The following NHS variants were observed in gnomAD, a reference collection of about 807,000 sequenced individuals.
The protein encoded by NHS is NHS actin remodeling regulator.
Under a neutral mutation model 72.5 loss-of-function variants are expected in NHS, and 5 were observed. The observed-to-expected ratio is 0.07, with a 90% CI of 0.04 to 0.14. NHS has a LOEUF of 0.14. Among genes scored for constraint, NHS ranks in the 10% least tolerant of loss-of-function variants. The pLI, the probability that NHS is intolerant of heterozygous loss-of-function variation, is 1.00. For synonymous variants in NHS, 464 were observed against 547.7 expected (o/e 0.85, Z 2.13); for missense variants, 1,072 against 1,355.7 (o/e 0.79, Z 3.29).
intron 1 of NHS, among the ~76,000 whole-genome samples, chrX:17,453,429 G>A (rs983859564): frequency 1.8e-5 from 2 of 111,435 alleles, no homozygotes; most frequent in African/African-American, 6.5e-5. Flanking sequence ...CTGTAACTTG[G>A]TCACTAGCAG....
intron 1 of NHS, among the ~76,000 whole-genome samples, chrX:17,595,226 G>A (rs1460394716): frequency 1.8e-5 from 2 of 111,747 alleles, no homozygotes; most frequent in East Asian, 5.7e-4. Flanking sequence ...CTCATTCTTT[G>A]ATCCTGAAGA....
At chrX:17,625,308 A>G (rs2065793165) in intron 1 of NHS, among the ~76,000 whole-genome samples, 1 of 111,357 alleles carries the variant, frequency 9.0e-6, no homozygotes, top group Non-Finnish European at 1.9e-5. Flanking sequence ...GAAAATGGCA[A>G]GTAGTGTATT....
intron 1 of NHS, among the ~76,000 whole-genome samples, chrX:17,458,306 C>A (rs769403572): frequency 8.2e-4 from 92 of 111,947 alleles, no homozygotes; most frequent in African/African-American, 2.9e-3. Context: ...CGGCTCACTG[C>A]AGCCTCCGCC....
At position 17,701,802 on chromosome X, in the gene NHS, A is replaced by G. The variant is rs193049970; in HGVS notation, c.852+9334A>G. Among the ~76,000 whole-genome samples, 25 of 111,037 alleles carry G rather than the reference A, an allele frequency of 2.3e-4. No homozygotes were observed. In the Admixed American group the frequency reaches 2.4e-3, roughly 11 times the overall value. ...GTGCAGTTGCTGTGTTCATCTAGAGAGTCTCAGGTTATGCTCAAATGTGAA... is the reference window on the plus strand; with the variant it reads ...GTGCAGTTGCTGTGTTCATCTAGAGGGTCTCAGGTTATGCTCAAATGTGAA... On this transcript the variant is annotated intron_variant, in intron 3 of 8. Transcript: ENST00000676302.
chrX:17,687,293 G>A (rs965535790), intron 1 of NHS: 1 of 188,218 alleles, frequency 5.3e-6, no homozygotes, highest in South Asian at 9.6e-5. Flanking sequence ...CAGCAGGGGC[G>A]GCGTGCAGAA....
At chrX:17,492,051 C>A (rs1406018793) in intron 1 of NHS, among the ~76,000 whole-genome samples, 1 of 110,460 alleles carries the variant, frequency 9.1e-6, no homozygotes, top group Non-Finnish European at 1.9e-5. Flanking sequence ...GGCTTACAGT[C>A]TATCTATTTT....
At chrX:17,571,824 A>T (rs191693928) in intron 1 of NHS, among the ~76,000 whole-genome samples, 2 of 112,116 alleles carry the variant, frequency 1.8e-5, no homozygotes, top group African/African-American at 6.5e-5. Flanking sequence ...ATTTTCCTCT[A>T]CACACTGCTT....
At chrX:17,497,026 T>C (rs946153409) in intron 1 of NHS, among the ~76,000 whole-genome samples, 2 of 111,947 alleles carry the variant, frequency 1.8e-5, no homozygotes, top group Non-Finnish European at 3.8e-5. Flanking sequence ...AAGAAACTCA[T>C]GGTTATTTGG....
At chrX:17,427,279 G>A (rs1172961722) in intron 1 of NHS, among the ~76,000 whole-genome samples, 2 of 111,738 alleles carry the variant, frequency 1.8e-5, no homozygotes. Flanking sequence ...TGGAAAAGGT[G>A]TACTGATAGG....
intron 1 of NHS, among the ~76,000 whole-genome samples, chrX:17,582,597 G>T (rs996786636): frequency 9.0e-6 from 1 of 111,327 alleles, no homozygotes; most frequent in African/African-American, 3.3e-5. Flanking sequence ...AGGACAGTGC[G>T]CTCCCTGGGC....
chrX:17,492,408 G>C (rs192422206), intron 1 of NHS, among the ~76,000 whole-genome samples: 6 of 112,091 alleles, frequency 5.4e-5, no homozygotes, highest in African/African-American at 1.9e-4. Flanking sequence ...AGTCATTCAG[G>C]AGCAGGTTGT....
intron 1 of NHS, among the ~76,000 whole-genome samples, chrX:17,594,868 T>A (rs2065618398): frequency 8.9e-6 from 1 of 112,464 alleles, no homozygotes; most frequent in African/African-American, 3.2e-5. Flanking sequence ...TGATCCCACC[T>A]TGAAGTAGGG....
chrX:17,571,055 T>C (rs193262212), intron 1 of NHS, among the ~76,000 whole-genome samples: 9 of 112,206 alleles, frequency 8.0e-5, no homozygotes, highest in Non-Finnish European at 1.1e-4. Context: ...TTTGATGCGC[T>C]GCTGGATTTG....
intron 3 of NHS, among the ~76,000 whole-genome samples, chrX:17,717,553 C>G (rs2066371833): frequency 8.9e-6 from 1 of 112,563 alleles, no homozygotes; most frequent in African/African-American, 3.2e-5. Flanking sequence ...GTTTCAGTGG[C>G]CTTCTCAGTA....
At position 17,687,885 on chromosome X, in the gene NHS, C is replaced by T. The variant is rs1297230069; in HGVS notation, c.709C>T (p.Leu237=). ...CCACGCCCGGCAGAGCCTGCAAGCC[C>T]TGCGCAGAGGTGACAGATCCTGGGC... The part of the protein sequence containing the change: ...HRHARQSLQA[L]RREHRSRSDR... Residue 237 remains leucine (L), a synonymous_variant, in exon 2 of 9, where the codon CTG becomes TTG. Transcript: ENST00000676302. The T allele has an allele frequency of 8.3e-7, 1 of 1,209,762 alleles. No individual in the cohort carries two copies. Among genetic ancestry groups the T allele is most frequent in the East Asian group, 3.0e-5 (1 of 33,751 alleles).
chrX:17,439,363 CTG>C (rs1178986735), intron 1 of NHS, among the ~76,000 whole-genome samples: 2 of 111,141 alleles, frequency 1.8e-5, no homozygotes, highest in Non-Finnish European at 3.8e-5. Context: ...ACAAAGAAAA[CTG>C]TGATTGTAGA....
In NHS at chrX:17,376,333, G is replaced by C. The variant is rs955135823; in HGVS notation, c.565+11G>C. 2 of 1,140,211 alleles carry C rather than the reference G, an allele frequency of 1.8e-6. No homozygotes were observed. The allele number at this position is 1,140,211 out of a possible 1,213,427, so 94.0% of individuals were successfully genotyped here. A position where few individuals can be genotyped will look rare whatever the true frequency, so the allele number is the denominator to read the frequency against. On this transcript the variant is annotated intron_variant, in intron 1 of 8. Transcript: ENST00000676302. ...AGCAGGAGGCAGTGCGTGAGTACCCGCGCCGTCCGCCCGCCAGGCTATGGG... is the reference window on the plus strand; with the variant it reads ...AGCAGGAGGCAGTGCGTGAGTACCCCCGCCGTCCGCCCGCCAGGCTATGGG...
At chrX:17,413,072 G>A (rs935276312) in intron 1 of NHS, among the ~76,000 whole-genome samples, 1 of 112,193 alleles carries the variant, frequency 8.9e-6, no homozygotes, top group African/African-American at 3.2e-5. Context: ...TTTCCATATG[G>A]CACCTAGTAG....
At chrX:17,666,069 G>A (rs1430794997) in intron 1 of NHS, among the ~76,000 whole-genome samples, 1 of 111,689 alleles carries the variant, frequency 9.0e-6, no homozygotes, top group Non-Finnish European at 1.9e-5. Context: ...GATTACCAAT[G>A]GTGTGGGTTG....
Sources: gnomAD v4.1 joint callset for allele counts (sites outside exome capture counted in the v4.1 genomes callset) on GRCh38, gnomAD v4.1.1 for gene constraint, MANE v1.5 for transcripts, NCBI Gene and HGNC (gene_info 2026-07-23, HGNC 2026-07-21) for gene names.